Variants in MTOR observed in about 807,000 individuals in gnomAD.
The protein encoded by MTOR is serine/threonine-protein kinase mTOR.
MTOR carries 70 observed loss-of-function variants against 319.8 expected under a neutral mutation model. That is an observed-to-expected ratio of 0.22 (90% confidence interval 0.18 to 0.27). MTOR has a LOEUF of 0.27. Ranked by LOEUF, MTOR falls within the 10% of genes least tolerant of loss-of-function variation. The pLI is 1.00. For missense variants in MTOR, 1,890 were observed against 3,274.4 expected (o/e 0.58, Z 10.32); for synonymous variants, 1,183 against 1,211.4 (o/e 0.98, Z 0.49).
chr1:11,231,603 A>T (rs1647018500), intron 16 of MTOR, among the ~76,000 whole-genome samples, 169 bp from the exon 17 acceptor site: 1 of 152,232 alleles, frequency 6.6e-6, no homozygotes, highest in Admixed American at 6.5e-5. Context: ...CATAAAACCA[A>T]GGTTGATCAA....
intron 9 of MTOR, among the ~76,000 whole-genome samples, chr1:11,242,573 C>T (rs1179988322): frequency 7.4e-6 from 1 of 135,720 alleles, no homozygotes; most frequent in East Asian, 2.4e-4. Context: ...CGCTAATAAA[C>T]AGGGAAGTAT....
chr1:11,141,829 TA>T (rs1279071489), intron 34 of MTOR, among the ~76,000 whole-genome samples: 1 of 147,804 alleles, frequency 6.8e-6, no homozygotes. Flanking sequence ...TACTAAAAAA[TA>T]AAAAAAATAA....
At position 11,199,963 on chromosome 1, in the gene MTOR, T is replaced by C. The variant is rs1188417695; in HGVS notation, c.3945-260A>G. ...TTTAATTAACCACATATGGCTAGTG[T>C]CTACTGAATTTTACACTGCAGGTAC... On this transcript the variant is annotated intron_variant, in intron 26 of 57. Transcript: ENST00000361445. The surrounding 1 kb of genome is among the most constrained non-coding windows in gnomAD (Gnocchi z 4.5). 6.6e-6 allele frequency among the ~76,000 whole-genome samples: 1 copy of C among 152,194 alleles called. No individual in the cohort carries two copies. The highest frequency in any genetic ancestry group is 2.4e-5 in the African/African-American group (1 of 41,448).
chr1:11,232,762 C>G (rs1647062682), intron 15 of MTOR, among the ~76,000 whole-genome samples: 1 of 152,038 alleles, frequency 6.6e-6, no homozygotes, highest in African/African-American at 2.4e-5. Context: ...GTAATCCCGG[C>G]TACTTGGGAG....
chr1:11,132,867 A>C, intron 38 of MTOR: 1 of 550,498 alleles, frequency 1.8e-6, no homozygotes, highest in East Asian at 3.0e-5. Context: ...TAATGGTGTA[A>C]CAAGTATTTC....
intron 6 of MTOR, 70 bp downstream of exon 6, chr1:11,253,769 G>GATCTC (rs949161511): frequency 1.3e-6 from 2 of 1,569,814 alleles, no homozygotes; most frequent in African/African-American, 2.7e-5. Context: ...TGAGGACATG[G>GATCTC]ATCTCGCCTT....
At chr1:11,217,641 G>A (rs920982746) in intron 19 of MTOR, among the ~76,000 whole-genome samples, 6 of 148,878 alleles carry the variant, frequency 4.0e-5, no homozygotes, top group Non-Finnish European at 5.9e-5. Context: ...TCGCTCTCTT[G>A]ACTTCATGAT....
At chr1:11,141,844 A>T (rs112194162) in intron 34 of MTOR, among the ~76,000 whole-genome samples, 4,502 of 150,312 alleles carry the variant, frequency 0.03, 173 homozygotes, top group Admixed American at 0.071. Context: ...AAAATAATAA[A>T]AAAAAAATTA....
chr1:11,129,077 T>C lies in MTOR; in HGVS notation c.5715-126A>G. The C allele has an allele frequency of 1.4e-6, 1 of 725,748 alleles. No individual in the cohort carries two copies. Among genetic ancestry groups the C allele is most frequent in the Non-Finnish European group, 2.3e-6 (1 of 425,708 alleles). 45.0% of individuals were successfully genotyped at this position (725,748 alleles called of 1,614,324 possible). A position where few individuals can be genotyped will look rare whatever the true frequency, so the allele number is the denominator to read the frequency against. On this transcript the variant is annotated intron_variant, in intron 40 of 57. Coordinates refer to ENST00000361445, the MANE Select transcript of MTOR (RefSeq NM_004958.4). This position sits in a 1 kb window ranked among gnomAD's most constrained non-coding sequence, Gnocchi z 4.7. The stretch of plus-strand genomic sequence containing the variant: ...CCAACCAGTAACTCTCAAATGTGTT[T>C]GGCCTCCCATGGGAGCAGGTGTCTG...
chr1:11,249,377 CT>C (rs371714190), intron 6 of MTOR, among the ~76,000 whole-genome samples: 9,139 of 146,910 alleles, frequency 0.062, 384 homozygotes, highest in South Asian at 0.13. Context: ...ACCAGTGAGT[CT>C]TTTTTTTTTT....
At position 11,234,070 on chromosome 1, in the gene MTOR, GA is replaced by G. The variant is rs1248092538; in HGVS notation, c.2331+72del. On this transcript the variant is annotated intron_variant, in intron 14 of 57. Transcript: ENST00000361445. The stretch of plus-strand genomic sequence containing the variant: ...TTTGTTCAGTGTACTAGTGAACACT[GA>G]AACACTCCCATCTCCCCATATGAGC... The G allele has an allele frequency of 8.6e-5, 139 of 1,606,972 alleles. No individual in the cohort carries two copies. In the South Asian group the frequency reaches 1.5e-3, roughly 17 times the overall value.
intron 52 of MTOR, 28 bp from the exon 53 acceptor site, chr1:11,114,481 C>A (rs778967508): frequency 9.3e-6 from 15 of 1,613,192 alleles, no homozygotes; most frequent in Non-Finnish European, 1.3e-5. Context: ...CCACTCACCA[C>A]AGGAGTTACT....
intron 19 of MTOR, among the ~76,000 whole-genome samples, chr1:11,216,750 C>T (rs1249716524): frequency 3.3e-5 from 5 of 151,922 alleles, no homozygotes; most frequent in Non-Finnish European, 7.4e-5. Flanking sequence ...GAGCCAGTTA[C>T]TGCACAGCAG....
intron 4 of MTOR, 110 bp from the exon 5 acceptor site, chr1:11,256,302 T>C (rs1413393595): frequency 1.4e-5 from 20 of 1,470,862 alleles, no homozygotes; most frequent in Non-Finnish European, 1.5e-5. Context: ...AGAGAAGGCT[T>C]GCTCACTCTT....
In MTOR at chr1:11,133,330, C is replaced by G; in HGVS notation, c.5247-133G>C. ...ATTCTCAAGAGGCAATGTGAAGGAG[C>G]TAGCAAAATTTTCAGCCACACGCAA... On this transcript the variant is annotated intron_variant, in intron 37 of 57. Transcript: ENST00000361445. This position sits in a 1 kb window ranked among gnomAD's most constrained non-coding sequence, Gnocchi z 4.0. 1 of 773,700 alleles carries G rather than the reference C, an allele frequency of 1.3e-6. No homozygotes were observed. Among genetic ancestry groups the G allele is most frequent in the Admixed American group, 2.4e-5 (1 of 41,174 alleles). The allele number at this position is 773,700 out of a possible 1,614,324, so 47.9% of individuals were successfully genotyped here. A position where few individuals can be genotyped will look rare whatever the true frequency, so the allele number is the denominator to read the frequency against.
rs181845886 is a variant in MTOR at position 11,222,775 on chromosome 1, T to A, written c.3030+5893A>T. ...AAAACATTTTTTTTAATAAAAAAAA[T>A]ATATATATAAGTAAGAAAATCACCA... is the stretch of plus-strand genomic sequence containing the variant. On this transcript the variant is annotated intron_variant, in intron 19 of 57. Coordinates refer to ENST00000361445, the MANE Select transcript of MTOR (RefSeq NM_004958.4). Among the ~76,000 whole-genome samples the A allele has an allele frequency of 7.0e-3, 1,062 of 151,830 alleles. 16 individuals are homozygous for A. Among genetic ancestry groups the A allele is most frequent in the African/African-American group, 0.023 (946 of 41,456 alleles).
intron 54 of MTOR, among the ~76,000 whole-genome samples, chr1:11,112,308 G>A (rs533107795): frequency 9.8e-5 from 15 of 152,298 alleles, no homozygotes; most frequent in Non-Finnish European, 8.8e-5. Flanking sequence ...CCATTAGTGA[G>A]CTGATATTCA....
chr1:11,130,988 T>A (rs1643121145), intron 38 of MTOR: 1 of 633,778 alleles, frequency 1.6e-6, no homozygotes, highest in South Asian at 2.0e-5. Flanking sequence ...TAACGTACTA[T>A]GAGTGCACTG....
At chr1:11,228,167 TC>T (rs1646906357) in intron 19 of MTOR, among the ~76,000 whole-genome samples, 2 of 151,930 alleles carry the variant, frequency 1.3e-5, no homozygotes, top group African/African-American at 2.4e-5. Context: ...ACAATGCTTT[TC>T]CTCCCCCAGG....
Sources: gnomAD v4.1 joint callset for allele counts (sites outside exome capture counted in the v4.1 genomes callset) on GRCh38, gnomAD v4.1.1 for gene constraint, Gnocchi (gnomAD v3.1) non-coding constraint, MANE v1.5 for transcripts, NCBI Gene and HGNC (gene_info 2026-07-23, HGNC 2026-07-21) for gene names.